TEP1: variants seen among roughly 807,000 people sequenced by gnomAD.
The protein encoded by TEP1 is telomerase associated protein 1.
TEP1 carries 241 observed loss-of-function variants against 306.3 expected under a neutral mutation model. That is an observed-to-expected ratio of 0.79 (90% CI 0.71 to 0.88). TEP1 has a LOEUF of 0.88. TEP1 is among the 40% of genes least tolerant of loss of function. The pLI is 0.00. For missense variants in TEP1, 3,051 were observed against 3,276.1 expected (o/e 0.93, Z 1.68); for synonymous variants, 1,289 against 1,305.5 (o/e 0.99, Z 0.27).
At position 20,405,408 on chromosome 14, in the gene TEP1, C is replaced by T. The variant is rs926893299; in HGVS notation, c.870+43G>A. 3.9e-6 allele frequency: 6 copies of T among 1,538,670 alleles called. No homozygotes were observed. The Admixed American group carries it at 1.0e-4, about 27-fold the overall frequency. The stretch of plus-strand genomic sequence containing the variant: ...CACACACCATAACCACACTCCCAGT[C>T]TACCAGCTTCACACCCCCATCCCCT... On this transcript the variant is annotated intron_variant, in intron 4 of 54. Coordinates refer to ENST00000262715, the MANE Select transcript of TEP1 (RefSeq NM_007110.5).
rs1299331604 is a variant in TEP1, at chr14:20,378,993, T to G, written c.5240A>C (p.Gln1747Pro). 1 of 1,614,116 alleles carries G rather than the reference T, an allele frequency of 6.2e-7. No homozygotes were observed. The highest frequency in any genetic ancestry group is 8.5e-7 in the Non-Finnish European group (1 of 1,180,054). ...FDGLLELWDL[Q>P]HGCRVLQTKA... ...GAGGACCCCTTACCGACAACCATGC[T>G]GCAGGTCCCAGAGCTCCAGGAGCCC... is the stretch of plus-strand genomic sequence containing the variant. The change falls in exon 36 of 55, where the codon CAG (glutamine) becomes CCG (proline). Residue 1747 changes from glutamine (Q) to proline (P), a missense_variant. Coordinates refer to ENST00000262715, the MANE Select transcript of TEP1 (RefSeq NM_007110.5).
Position 20,378,096 on chromosome 14 carries a change from G to C in TEP1, c.5649C>G (p.His1883Gln). The part of the protein sequence containing the change: ...EGARLAAFPA[H>Q]HGFVAAALFL... The stretch of plus-strand genomic sequence containing the variant: ...AAAGCGCAGCAGCAACAAAGCCATG[G>C]TGGGCAGGGAAGGCAGCCAGCCGTG... The change falls in exon 39 of 55, where the codon CAC becomes CAG. Residue 1883 changes from histidine (H) to glutamine (Q), a missense_variant. Physicochemically the swap from His to Gln is conservative, Grantham distance 24. Transcript: ENST00000262715. 6.2e-7 allele frequency: 1 copy of C among 1,613,920 alleles called. No individual in the cohort carries two copies. Among genetic ancestry groups the C allele is most frequent in the South Asian group, 1.1e-5 (1 of 91,082 alleles).
In TEP1 at chr14:20,379,948, C is replaced by T. The variant is rs563568149; in HGVS notation, c.5109G>A (p.Leu1703=). 7.4e-6 allele frequency: 12 copies of T among 1,612,986 alleles called. No homozygotes were observed. In the East Asian group the frequency reaches 2.7e-4, roughly 36 times the overall value. Residue 1703 remains leucine (L), a synonymous_variant, in exon 35 of 55, where the codon TTG becomes TTA. Transcript: ENST00000262715. The part of the protein sequence containing the change: ...VGTANGTVYL[L]DLRTWQEEKS... ...GTCATACCTGCCAAGTTCTCAGGTC[C>T]AACAGGTAAACTGTCCCATTGGCAG...
At chr14:20,376,394 C>A in intron 41 of TEP1, 130 bp from the exon 42 acceptor site, 2 of 941,972 alleles carry the variant, frequency 2.1e-6, no homozygotes, top group Non-Finnish European at 3.1e-6. Flanking sequence ...GGGAGGGATG[C>A]AGGGAGTCAC....
intron 41 of TEP1, among the ~76,000 whole-genome samples, chr14:20,376,761 C>T (rs779703063): frequency 2.0e-5 from 3 of 152,186 alleles, no homozygotes; most frequent in Non-Finnish European, 2.9e-5. Context: ...TTAGAGGTCC[C>T]AGAATGAAGG....
Position 20,381,552 on chromosome 14 carries a change from C to T in TEP1, c.4558+1G>A. The T allele has an allele frequency of 1.2e-6, 2 of 1,613,632 alleles. No individual in the cohort carries two copies. The highest frequency in any genetic ancestry group is 1.7e-6 in the Non-Finnish European group (2 of 1,180,034). On this transcript the variant is annotated splice_donor_variant, in intron 31 of 54. Coordinates refer to ENST00000262715, the MANE Select transcript of TEP1 (RefSeq NM_007110.5). LOFTEE classifies it high-confidence loss of function. The surrounding 1 kb of genome is among the most constrained non-coding windows in gnomAD (Gnocchi z 4.0). ...CCCAGGCTGACTTGGGCTGCAATCA[C>T]CTGCAATGAGGATGTGTGCCGTGTC... is the stretch of plus-strand genomic sequence containing the variant.
At chr14:20,370,411 T>C (rs1274595383) in intron 51 of TEP1, among the ~76,000 whole-genome samples, 2 of 152,388 alleles carry the variant, frequency 1.3e-5, no homozygotes, top group South Asian at 4.1e-4. Context: ...TTAGTCTTGC[T>C]TGTTCTTGAA....
At chr14:20,375,687 A>G in intron 43 of TEP1, 68 bp downstream of exon 43, 1 of 960,228 alleles carries the variant, frequency 1.0e-6, no homozygotes, top group Admixed American at 1.9e-5. Flanking sequence ...AAAAAGGACG[A>G]GGTGGGGAGT....
chr14:20,395,910 G>A lies in TEP1; in HGVS notation c.1699C>T (p.Leu567Phe). 1 of 1,614,118 alleles carries A rather than the reference G, an allele frequency of 6.2e-7. No homozygotes were observed. Among genetic ancestry groups the A allele is most frequent in the Middle Eastern group, 1.6e-4 (1 of 6,062 alleles). The change falls in exon 11 of 55, where the codon CTT becomes TTT. Residue 567 changes from leucine (L) to phenylalanine (F), a missense_variant. Transcript: ENST00000262715. Reference protein sequence around the residue: ...IHSRQFPFRFLNAHDAIDALE... With the variant: ...IHSRQFPFRFFNAHDAIDALE... ...GCATCAATGGCATCATGGGCGTTAA[G>A]AAATCTGAATGGAAACTGCCGACTG...
In TEP1 at chr14:20,369,448, C is replaced by T; in HGVS notation, c.7552G>A (p.Gly2518Arg). The change falls in exon 53 of 55, where the codon GGG becomes AGG. Residue 2518 changes from glycine to arginine, a missense_variant. Gly to Arg is a moderately radical substitution (Grantham distance 125, BLOSUM62 -2). Transcript: ENST00000262715. ...TCCCTGCAGGTAGATGGGTCTGTCCCTGGAGTTTGGGTTTCTGGAGTGTTT... is the reference window on the plus strand; with the variant it reads ...TCCCTGCAGGTAGATGGGTCTGTCCTTGGAGTTTGGGTTTCTGGAGTGTTT... The part of the protein sequence containing the change: ...KANTPETQTP[G>R]TDPSTCRESD... 1 of 1,614,170 alleles carries T rather than the reference C, an allele frequency of 6.2e-7. No individual in the cohort carries two copies.
At chr14:20,388,419 T>C (rs368614587) in intron 17 of TEP1, among the ~76,000 whole-genome samples, 2 of 152,266 alleles carry the variant, frequency 1.3e-5, no homozygotes, top group South Asian at 2.1e-4. Flanking sequence ...GAAGGAGGAA[T>C]GTGCCTGAGG....
chr14:20,380,829 C>T, intron 33 of TEP1, 102 bp downstream of exon 33: 3 of 987,988 alleles, frequency 3.0e-6, no homozygotes, highest in South Asian at 1.5e-5. Flanking sequence ...AATCTTTTTT[C>T]CCTGACACCC....
At chr14:20,386,282 A>G (rs1412507108) in intron 19 of TEP1, 87 bp from the exon 20 acceptor site, 1 of 1,601,250 alleles carries the variant, frequency 6.2e-7, no homozygotes, top group African/African-American at 1.3e-5. Context: ...CGGGGCCCTG[A>G]CTCGCAACTG....
intron 14 of TEP1, 30 bp from the exon 15 acceptor site, chr14:20,390,788 T>C (rs765764673): frequency 1.7e-5 from 28 of 1,613,864 alleles, no homozygotes; most frequent in Non-Finnish European, 2.4e-5. Context: ...TGTTATGTGG[T>C]TGCACAGTAA....
chr14:20,394,754 A>C (rs1878045019), intron 12 of TEP1, among the ~76,000 whole-genome samples: 1 of 152,140 alleles, frequency 6.6e-6, no homozygotes, highest in African/African-American at 2.4e-5. Flanking sequence ...TCGGCCTCCC[A>C]AAGTTCTGGG....
chr14:20,370,990 G>A (rs1884796840), intron 51 of TEP1, among the ~76,000 whole-genome samples: 1 of 152,232 alleles, frequency 6.6e-6, no homozygotes, highest in South Asian at 2.1e-4. Context: ...TAGGTTTATG[G>A]TTTCCTATGG....
intron 28 of TEP1, 84 bp from the exon 29 acceptor site, chr14:20,382,440 G>A: frequency 6.4e-7 from 1 of 1,552,716 alleles, no homozygotes; most frequent in Non-Finnish European, 8.7e-7. Flanking sequence ...GGCAGCAGGA[G>A]GACAGTGTGG....
chr14:20,401,854 A>T (rs958886000), intron 7 of TEP1, among the ~76,000 whole-genome samples: 1 of 152,212 alleles, frequency 6.6e-6, no homozygotes, highest in Non-Finnish European at 1.5e-5. Flanking sequence ...CAAGGTGGGG[A>T]TAGAATGAAC....
At position 20,395,555 on chromosome 14, in the gene TEP1, C is replaced by T. The variant is rs139320181; in HGVS notation, c.1823G>A (p.Arg608Gln). Residue 608 changes from arginine (R) to glutamine (Q), a missense_variant, in exon 12 of 55, where the codon CGG becomes CAG. By Grantham distance (43) the Arg-to-Gln change is conservative. Coordinates refer to ENST00000262715, the MANE Select transcript of TEP1 (RefSeq NM_007110.5). ...LTRNEKNRPR[R>Q]RFLCHLSRQQ... The stretch of plus-strand genomic sequence containing the variant: ...ACGGCTTAGGTGGCAAAGAAACCTC[C>T]GCCTGGGACGGTTCTTTTCATTTCT... The T allele has an allele frequency of 8.4e-4, 1,353 of 1,613,802 alleles. No homozygotes were observed. Among genetic ancestry groups the T allele is most frequent in the Non-Finnish European group, 1.1e-3 (1,241 of 1,179,702 alleles).
Sources: allele counts gnomAD v4.1 joint callset (sites outside exome capture counted in the v4.1 genomes callset), GRCh38; gene constraint gnomAD v4.1.1; non-coding constraint Gnocchi (gnomAD v3.1); transcripts MANE v1.5; gene names NCBI Gene and HGNC (gene_info 2026-07-23, HGNC 2026-07-21).